Variants in TMPRSS7 observed in about 807,000 individuals in gnomAD.
TMPRSS7 encodes the protein transmembrane serine protease 7.
TMPRSS7 carries 81 observed loss-of-function variants against 95.6 expected under a neutral mutation model. That is an observed-to-expected ratio of 0.85 (90% CI 0.71 to 1.02). The LOEUF (loss-of-function observed/expected upper bound fraction) is 1.02, where lower values mean the gene tolerates loss of function less well. Among genes scored for constraint, TMPRSS7 ranks in the 50% least tolerant of loss-of-function variants. The probability of loss-of-function intolerance (pLI) is 0.00; values close to 1 mark genes in which losing one functional copy is unlikely to be tolerated. For missense variants in TMPRSS7, 945 were observed against 955.2 expected (o/e 0.99, Z 0.14); for synonymous variants, 364 against 337.8 (o/e 1.08, Z -0.85).
At chr3:112,080,205 T>C (rs1038733051) in intron 17 of TMPRSS7, among the ~76,000 whole-genome samples, 1 of 152,244 alleles carries the variant, frequency 6.6e-6, no homozygotes, top group Non-Finnish European at 1.5e-5. Flanking sequence ...TTTAAAGGAC[T>C]AATACTGTGG....
intron 1 of TMPRSS7, among the ~76,000 whole-genome samples, chr3:112,037,342 T>A (rs1047481925): frequency 6.6e-6 from 1 of 152,208 alleles, no homozygotes; most frequent in Non-Finnish European, 1.5e-5. Context: ...CAGTTGCAGA[T>A]AAGGGATGAA....
chr3:112,072,611 T>G (rs1487385744), intron 13 of TMPRSS7, among the ~76,000 whole-genome samples: 1 of 152,274 alleles, frequency 6.6e-6, no homozygotes, highest in East Asian at 1.9e-4. Flanking sequence ...CTTGCTGAGC[T>G]GCAGTGGGCT....
At chr3:112,066,097 A>G (rs553041918) in intron 12 of TMPRSS7, among the ~76,000 whole-genome samples, 112 of 152,322 alleles carry the variant, frequency 7.4e-4, no homozygotes, top group Non-Finnish European at 1.3e-3. Context: ...TATGATTTCT[A>G]TCTCCCTTAA....
chr3:112,080,113 A>G (rs2073759969), intron 17 of TMPRSS7, among the ~76,000 whole-genome samples: 1 of 152,230 alleles, frequency 6.6e-6, no homozygotes, highest in Admixed American at 6.5e-5. Flanking sequence ...TAATTTGGAT[A>G]CATGGGCAAA....
Position 112,041,941 on chromosome 3 carries a change from C to CT in TMPRSS7, c.325dup (p.Tyr109LeufsTer12). ...ACAGGTAAAACAGAAAGCAAAGATGCTTTTTACTTTGCTGGGATGTTTCGC... is the reference window on the plus strand; with the variant it reads ...ACAGGTAAAACAGAAAGCAAAGATGCTTTTTTACTTTGCTGGGATGTTTCGC... On this transcript the variant is annotated frameshift_variant, in exon 3 of 18. Transcript: ENST00000452346. LOFTEE classifies it high-confidence loss of function. 5 of 1,549,504 alleles carry CT rather than the reference C, an allele frequency of 3.2e-6. No individual in the cohort carries two copies. The highest frequency in any genetic ancestry group is 4.4e-6 in the Non-Finnish European group (5 of 1,145,050).
intron 10 of TMPRSS7, among the ~76,000 whole-genome samples, chr3:112,057,757 G>T (rs529580422): frequency 6.6e-6 from 1 of 151,792 alleles, no homozygotes; most frequent in African/African-American, 2.4e-5. Context: ...ACAGAGTTTT[G>T]CTCTGTCACC....
At chr3:112,042,319 G>A (rs2073219114) in intron 3 of TMPRSS7, among the ~76,000 whole-genome samples, 1 of 152,024 alleles carries the variant, frequency 6.6e-6, no homozygotes, top group Non-Finnish European at 1.5e-5. Flanking sequence ...TAAAAGAATT[G>A]GAATCAGATG....
At chr3:112,050,103 C>A in intron 8 of TMPRSS7, 129 bp downstream of exon 8, 2 of 849,918 alleles carry the variant, frequency 2.4e-6, no homozygotes, top group Non-Finnish European at 1.7e-6. Context: ...AAGGTCCAGT[C>A]AGAAGAGAGA....
chr3:112,050,115 A>G (rs2073326933), intron 8 of TMPRSS7, 141 bp downstream of exon 8: 1 of 749,972 alleles, frequency 1.3e-6, no homozygotes. Flanking sequence ...GAAGAGAGAG[A>G]CCATATTAGT....
chr3:112,038,152 A>G (rs2073168020), exon 2 of TMPRSS7: 3 of 702,794 alleles, frequency 4.3e-6, no homozygotes, highest in East Asian at 5.4e-5. Context: ...GGAGACGACT[A>G]CCATTGCCAG....
At chr3:112,057,386 A>G (rs920286443) in intron 10 of TMPRSS7, among the ~76,000 whole-genome samples, 3 of 152,194 alleles carry the variant, frequency 2.0e-5, no homozygotes, top group African/African-American at 4.8e-5. Context: ...CACACTTCAC[A>G]AGAGTATTTG....
intron 2 of TMPRSS7, among the ~76,000 whole-genome samples, chr3:112,040,196 A>G (rs1181871063): frequency 4.6e-5 from 7 of 152,212 alleles, no homozygotes; most frequent in Admixed American, 4.6e-4. Context: ...ACTTATATGC[A>G]CATAAATTGA....
chr3:112,041,600 G>A lies in TMPRSS7; in HGVS notation c.299-320G>A, dbSNP rs1278783612. ...TTTATTCCTTCAGAGAGCCCATAAA[G>A]GAGACAGAGAGAAATTATGATAAAG... On this transcript the variant is annotated intron_variant, in intron 2 of 17. Transcript: ENST00000452346. 4.6e-5 allele frequency among the ~76,000 whole-genome samples: 7 copies of A among 152,188 alleles called. No individual in the cohort carries two copies. The East Asian group carries it at 1.3e-3, about 29-fold the overall frequency.
Position 112,045,730 on chromosome 3 carries a change from T to C in TMPRSS7, c.498-20T>C. ...TAAAGTCCTATGAGGTCCCTGATGA[T>C]CTCTCTTTTTTCGTTATAGCAGCAA... On this transcript the variant is annotated intron_variant, in intron 4 of 17. Coordinates refer to ENST00000452346, the Ensembl canonical transcript of TMPRSS7. 1 of 1,534,768 alleles carries C rather than the reference T, an allele frequency of 6.5e-7. No individual in the cohort carries two copies. Among genetic ancestry groups the C allele is most frequent in the Non-Finnish European group, 8.8e-7 (1 of 1,138,548 alleles).
At chr3:112,076,101 A>G (rs2107763670) in intron 15 of TMPRSS7, among the ~76,000 whole-genome samples, 1 of 152,324 alleles carries the variant, frequency 6.6e-6, no homozygotes, top group African/African-American at 2.4e-5. Context: ...AACTGCTCCA[A>G]ATAATGTATT....
At chr3:112,065,987 C>T (rs529083910) in intron 12 of TMPRSS7, among the ~76,000 whole-genome samples, 8 of 152,212 alleles carry the variant, frequency 5.3e-5, no homozygotes, top group Non-Finnish European at 7.4e-5. Flanking sequence ...GCTATTTGTT[C>T]GGGGGCTTGA....
chr3:112,078,632 T>A, intron 16 of TMPRSS7, 110 bp from the exon 17 acceptor site: 1 of 1,384,580 alleles, frequency 7.2e-7, no homozygotes, highest in Non-Finnish European at 9.9e-7. Context: ...TCAAGGGAAT[T>A]GCCGCTATGA....
At chr3:112,041,164 G>A (rs746731680) in intron 2 of TMPRSS7, among the ~76,000 whole-genome samples, 98 of 151,574 alleles carry the variant, frequency 6.5e-4, no homozygotes, top group Non-Finnish European at 1.1e-3. Context: ...TTATATGGTC[G>A]GCCTAGAGGC....
chr3:112,076,951 GAGA>G, exon 16 of TMPRSS7: 1 of 1,614,230 alleles, frequency 6.2e-7, no homozygotes, highest in South Asian at 1.1e-5. Context: ...TCTCCCCGGT[GAGA>G]AGAATTGTGG....
Sources: allele counts gnomAD v4.1 joint callset (sites outside exome capture counted in the v4.1 genomes callset), GRCh38; gene constraint gnomAD v4.1.1; transcripts MANE v1.5; gene names NCBI Gene and HGNC (gene_info 2026-07-23, HGNC 2026-07-21).